The following MMP16 variants were observed in gnomAD, a reference collection of about 807,000 sequenced individuals.
The protein encoded by MMP16 is matrix metallopeptidase 16.
Under a neutral mutation model 67.8 loss-of-function variants are expected in MMP16, and 12 were observed. That is an observed-to-expected ratio of 0.18 (90% CI 0.11 to 0.29). MMP16 has a LOEUF of 0.29. Among genes scored for constraint, MMP16 ranks in the 10% least tolerant of loss-of-function variants. MMP16 has a pLI of 1.00. For missense variants in MMP16, 475 were observed against 765.7 expected (o/e 0.62, Z 4.48); for synonymous variants, 249 against 255.9 (o/e 0.97, Z 0.26).
intron 1 of MMP16, among the ~76,000 whole-genome samples, chr8:88,226,407 T>C (rs951187213): frequency 1.3e-5 from 2 of 152,058 alleles, no homozygotes; most frequent in African/African-American, 2.4e-5. Flanking sequence ...GACTTAATAA[T>C]ACCAATTAAG....
intron 4 of MMP16, among the ~76,000 whole-genome samples, chr8:88,133,509 T>A (rs1185888602): frequency 1.3e-5 from 2 of 151,998 alleles, no homozygotes; most frequent in Admixed American, 6.6e-5. Flanking sequence ...AGGATTTGTT[T>A]ATATCTGAAG....
At chr8:88,162,163 A>G (rs1324751627) in intron 4 of MMP16, among the ~76,000 whole-genome samples, 1 of 151,930 alleles carries the variant, frequency 6.6e-6, no homozygotes, top group Non-Finnish European at 1.5e-5. Context: ...CTACTTTCCA[A>G]CTGCACATAA....
At chr8:88,089,491 A>G (rs1390073403) in intron 6 of MMP16, among the ~76,000 whole-genome samples, 3 of 151,966 alleles carry the variant, frequency 2.0e-5, no homozygotes, top group Non-Finnish European at 4.4e-5. Context: ...TCTAAAAGCA[A>G]CTACACAATG....
intron 3 of MMP16, among the ~76,000 whole-genome samples, chr8:88,177,188 A>C (rs768257893): frequency 5.9e-5 from 9 of 152,168 alleles, no homozygotes; most frequent in Non-Finnish European, 1.2e-4. Flanking sequence ...ACTGCTTTTT[A>C]TGTGGGCACA....
intron 9 of MMP16, among the ~76,000 whole-genome samples, chr8:88,044,668 C>A (rs1236973439): frequency 6.6e-6 from 1 of 152,164 alleles, no homozygotes; most frequent in African/African-American, 2.4e-5. Context: ...GACTGAACAT[C>A]ATTGGACTTG....
intron 3 of MMP16, among the ~76,000 whole-genome samples, chr8:88,181,583 T>C (rs576067119): frequency 6.6e-6 from 1 of 151,332 alleles, no homozygotes; most frequent in East Asian, 1.9e-4. Flanking sequence ...ATATTTAATA[T>C]ATAATATTTA....
chr8:88,074,585 G>C lies in MMP16; in HGVS notation c.1222+20C>G, dbSNP rs750973472. On this transcript the variant is annotated intron_variant, in intron 7 of 9. Transcript: ENST00000286614. ...AAATGATTAAAATACAACATAGCCA[G>C]ATATGGAAAACATCCTTACCTTTAA... 24 of 1,611,128 alleles carry C rather than the reference G, an allele frequency of 1.5e-5. No homozygotes were observed. The highest frequency in any genetic ancestry group is 2.0e-5 in the Non-Finnish European group (23 of 1,178,470).
intron 1 of MMP16, among the ~76,000 whole-genome samples, chr8:88,203,228 C>T (rs1586203071): frequency 6.6e-6 from 1 of 151,430 alleles, no homozygotes; most frequent in Admixed American, 6.6e-5. Context: ...CTCAGCCTCC[C>T]GAGTAGGTGG....
intron 6 of MMP16, among the ~76,000 whole-genome samples, chr8:88,099,865 T>A (rs1159372514): frequency 6.6e-6 from 1 of 151,912 alleles, no homozygotes; most frequent in Non-Finnish European, 1.5e-5. Flanking sequence ...ATAGGTAGAA[T>A]TTTATTTGTC....
At chr8:88,162,427 C>T (rs1376922137) in intron 4 of MMP16, among the ~76,000 whole-genome samples, 2 of 151,950 alleles carry the variant, frequency 1.3e-5, no homozygotes, top group Non-Finnish European at 2.9e-5. Flanking sequence ...AGTTTTAAAA[C>T]CTGATAAGAA....
chr8:88,286,105 G>A (rs1156345356), intron 1 of MMP16, among the ~76,000 whole-genome samples: 3 of 152,134 alleles, frequency 2.0e-5, no homozygotes, highest in Non-Finnish European at 2.9e-5. Context: ...TCAACAGCAT[G>A]ATCAACTGTT....
intron 1 of MMP16, among the ~76,000 whole-genome samples, chr8:88,314,926 A>G (rs1267978670): frequency 6.6e-6 from 1 of 152,142 alleles, no homozygotes; most frequent in African/African-American, 2.4e-5. Context: ...CTTAACTCAG[A>G]GTCTGTCCAG....
At chr8:88,123,876 G>C (rs1807882448) in intron 4 of MMP16, among the ~76,000 whole-genome samples, 1 of 151,806 alleles carries the variant, frequency 6.6e-6, no homozygotes, top group Non-Finnish European at 1.5e-5. Context: ...ATCTCAAAGT[G>C]CTCTCTCTTG....
At chr8:88,262,846 C>CAAAAAAA (rs71277991) in intron 1 of MMP16, among the ~76,000 whole-genome samples, 8 of 53,472 alleles carry the variant, frequency 1.5e-4, no homozygotes, top group South Asian at 1.3e-3. Flanking sequence ...ACTAAAAATA[C>CAAAAAAA]AAAAAAAAAA....
intron 3 of MMP16, among the ~76,000 whole-genome samples, chr8:88,170,816 G>A (rs905143453): frequency 3.3e-5 from 5 of 152,128 alleles, no homozygotes; most frequent in Admixed American, 1.3e-4. Context: ...TCAGTGAGTT[G>A]GAGCAATCAC....
chr8:88,245,223 C>T (rs548600670), intron 1 of MMP16, among the ~76,000 whole-genome samples: 33 of 152,210 alleles, frequency 2.2e-4, no homozygotes, highest in Admixed American at 3.9e-4. Flanking sequence ...TCTATGTTTC[C>T]ATATCGTAGT....
At chr8:88,191,517 C>T (rs116678018) in intron 2 of MMP16, among the ~76,000 whole-genome samples, 1,933 of 152,094 alleles carry the variant, frequency 0.013, 35 homozygotes, top group African/African-American at 0.044. Flanking sequence ...ATGTGCTTCA[C>T]CTCCCTTTGA....
At chr8:88,228,947 G>A (rs1809813041) in intron 1 of MMP16, among the ~76,000 whole-genome samples, 1 of 151,822 alleles carries the variant, frequency 6.6e-6, no homozygotes, top group Non-Finnish European at 1.5e-5. Flanking sequence ...GATCACTTGA[G>A]CCCAGGAGTT....
At chr8:88,101,576 C>A (rs1432844039) in intron 6 of MMP16, among the ~76,000 whole-genome samples, 1 of 151,818 alleles carries the variant, frequency 6.6e-6, no homozygotes, top group Non-Finnish European at 1.5e-5. Flanking sequence ...CAGTTAACTG[C>A]TACAAATAAC....
Sources: gnomAD v4.1 joint callset for allele counts (sites outside exome capture counted in the v4.1 genomes callset) on GRCh38, gnomAD v4.1.1 for gene constraint, MANE v1.5 for transcripts, NCBI Gene and HGNC (gene_info 2026-07-23, HGNC 2026-07-21) for gene names.